ATXN1: variants seen among roughly 807,000 people sequenced by gnomAD.
ATXN1 encodes the protein ataxin-1.
ATXN1 carries 8 observed loss-of-function variants against 56.4 expected under a neutral mutation model. That is an observed-to-expected ratio of 0.14 (90% confidence interval 0.08 to 0.26). The LOEUF (loss-of-function observed/expected upper bound fraction) is 0.26. Ranked by LOEUF, ATXN1 falls within the 10% of genes least tolerant of loss-of-function variation. ATXN1 has a pLI of 1.00. For synonymous variants in ATXN1, 514 were observed against 494.6 expected (o/e 1.04, Z -0.52); for missense variants, 987 against 1,106.5 (o/e 0.89, Z 1.53).
chr6:16,304,651 A>T lies in ATXN1; in HGVS notation c.*1678T>A, dbSNP rs1760192929. The T allele has an allele frequency of 6.6e-6, 1 of 152,614 alleles. No individual in the cohort carries two copies. Among genetic ancestry groups the T allele is most frequent in the Non-Finnish European group, 1.5e-5 (1 of 68,026 alleles). The allele number at this position is 152,614 out of a possible 1,614,324, so 9.5% of individuals were successfully genotyped here. Reference sequence around the variant, plus strand: ...CAAAATGAATTTTCAAAGGAACATAACCTTATAAAATGGCCTAGAGTTTAG... The same window carrying T: ...CAAAATGAATTTTCAAAGGAACATATCCTTATAAAATGGCCTAGAGTTTAG... On this transcript the variant is annotated 3_prime_UTR_variant, in exon 8 of 8. Transcript: ENST00000436367.
chr6:16,749,160 T>C (rs1561837158), intron 2 of ATXN1, among the ~76,000 whole-genome samples: 1 of 152,190 alleles, frequency 6.6e-6, no homozygotes, highest in African/African-American at 2.4e-5. Flanking sequence ...GGGAATCCTC[T>C]AAAGTTACAA....
chr6:16,567,061 A>G (rs1200287461), intron 4 of ATXN1, among the ~76,000 whole-genome samples: 2 of 152,178 alleles, frequency 1.3e-5, no homozygotes, highest in African/African-American at 4.8e-5. Flanking sequence ...GCTTTCTTTC[A>G]CACTGATGTA....
At chr6:16,575,791 T>C (rs1306651306) in intron 4 of ATXN1, among the ~76,000 whole-genome samples, 3 of 152,182 alleles carry the variant, frequency 2.0e-5, no homozygotes, top group African/African-American at 7.2e-5. Flanking sequence ...GAAGAAAACA[T>C]AGTCAACTCT....
rs1760303963 is a variant in ATXN1 at position 16,475,302 on chromosome 6, G to A, written c.-161+10670C>T. ...AATTCACTGTCAGTGTAATGACAAT[G>A]ACAGTTAATGACAACTCCTATTATA... On this transcript the variant is annotated intron_variant, in intron 6 of 7. Transcript: ENST00000436367. Among the ~76,000 whole-genome samples, 3 of 152,286 alleles carry A rather than the reference G, an allele frequency of 2.0e-5. No homozygotes were observed. The South Asian group carries it at 6.2e-4, about 32-fold the overall frequency.
chr6:16,660,953 C>T (rs1327071456), intron 2 of ATXN1, among the ~76,000 whole-genome samples: 2 of 150,400 alleles, frequency 1.3e-5, no homozygotes, highest in Middle Eastern at 3.4e-3. Context: ...ATTCTCCTGC[C>T]TCAGGCTCCC....
chr6:16,336,959 A>T (rs1761137246), intron 6 of ATXN1, among the ~76,000 whole-genome samples: 2 of 152,178 alleles, frequency 1.3e-5, no homozygotes, highest in Non-Finnish European at 2.9e-5. Flanking sequence ...ATCCACCCAA[A>T]ATAATAGTCT....
Position 16,312,708 on chromosome 6 carries a change from C to A in ATXN1, c.1918-5849G>T, listed in dbSNP as rs550603249. 3.3e-5 allele frequency among the ~76,000 whole-genome samples: 5 copies of A among 152,178 alleles called. No individual in the cohort carries two copies. The East Asian group carries it at 9.7e-4, about 29-fold the overall frequency. ...TTAAAAATACTAAAGACTGAAGGAGCATTATGACCTGACCAAGGACAAAGA... is the reference window on the plus strand; with the variant it reads ...TTAAAAATACTAAAGACTGAAGGAGAATTATGACCTGACCAAGGACAAAGA... On this transcript the variant is annotated intron_variant, in intron 7 of 7. Coordinates refer to ENST00000436367, the MANE Select transcript of ATXN1 (RefSeq NM_001128164.2).
At chr6:16,314,834 C>G (rs1204878745) in intron 7 of ATXN1, among the ~76,000 whole-genome samples, 1 of 152,100 alleles carries the variant, frequency 6.6e-6, no homozygotes, top group African/African-American at 2.4e-5. Context: ...TGGTCTTGAA[C>G]TCCTGACCTC....
At chr6:16,333,520 A>T (rs1463616615) in intron 6 of ATXN1, among the ~76,000 whole-genome samples, 2 of 152,214 alleles carry the variant, frequency 1.3e-5, no homozygotes, top group Admixed American at 1.3e-4. Context: ...AAACTCCTAA[A>T]AATACATCTT....
intron 2 of ATXN1, among the ~76,000 whole-genome samples, chr6:16,734,734 T>G (rs1189091160): frequency 2.6e-5 from 4 of 152,154 alleles, no homozygotes; most frequent in African/African-American, 9.7e-5. Context: ...CCTCAAATAA[T>G]CCACCTGCCT....
chr6:16,327,663 C>CTGATGCTGA lies in ATXN1; in HGVS notation c.647_648insTCAGCATCA (p.Gln215_Gln216insHisGlnHis), dbSNP rs766029394. The CTGATGCTGA allele has an allele frequency of 3.3e-4, 499 of 1,523,280 alleles. 1 individual carries two copies. The East Asian group carries it at 4.1e-3, about 13-fold the overall frequency. The allele number at this position is 1,523,280 out of a possible 1,614,324, so 94.4% of individuals were successfully genotyped here. On this transcript the variant is annotated inframe_insertion, in exon 7 of 8. Transcript: ENST00000436367. ...GCTGCTGCTGCTGCTGCTGCTGCTG[C>CTGATGCTGA]TGCTGCTGCTGCTGATGCTGATGCT...
rs1760246378 is a variant in ATXN1, at chr6:16,306,298, A to G, written c.*31T>C. The G allele has an allele frequency of 6.4e-7, 1 of 1,565,752 alleles. No individual in the cohort carries two copies. Among genetic ancestry groups the G allele is most frequent in the African/African-American group, 1.4e-5 (1 of 73,728 alleles). On this transcript the variant is annotated 3_prime_UTR_variant, in exon 8 of 8. Coordinates refer to ENST00000436367, the MANE Select transcript of ATXN1 (RefSeq NM_001128164.2). The surrounding 1 kb of genome is among the most constrained non-coding windows in gnomAD (Gnocchi z 5.2). Reference sequence around the variant, plus strand: ...GTAATCTGGATACAAATGATAAGGGAGAGCCACGTTTCCTTTCCCCCACGC... The same window carrying G: ...GTAATCTGGATACAAATGATAAGGGGGAGCCACGTTTCCTTTCCCCCACGC...
chr6:16,382,658 G>C (rs1425864079), intron 6 of ATXN1, among the ~76,000 whole-genome samples: 4 of 152,150 alleles, frequency 2.6e-5, no homozygotes, highest in Non-Finnish European at 5.9e-5. Context: ...TGAAGATGCT[G>C]ACTTTCAACG....
At chr6:16,655,818 A>AGT (rs925534871) in intron 3 of ATXN1, among the ~76,000 whole-genome samples, 71 of 152,110 alleles carry the variant, frequency 4.7e-4, no homozygotes, top group African/African-American at 1.6e-3. Flanking sequence ...GGCCGGGTGC[A>AGT]GTGGTTCACA....
chr6:16,623,063 TTC>T (rs1322358238), intron 3 of ATXN1, among the ~76,000 whole-genome samples: 1 of 152,230 alleles, frequency 6.6e-6, no homozygotes, highest in African/African-American at 2.4e-5. Flanking sequence ...TTGTATTGTG[TTC>T]TGTCATTTGA....
At chr6:16,715,209 G>A (rs901206907) in intron 2 of ATXN1, among the ~76,000 whole-genome samples, 4 of 152,122 alleles carry the variant, frequency 2.6e-5, no homozygotes. Context: ...ATTTAAACAT[G>A]AGTATATCCC....
chr6:16,563,035 C>T (rs543198342), intron 4 of ATXN1, among the ~76,000 whole-genome samples: 1 of 152,018 alleles, frequency 6.6e-6, no homozygotes, highest in Non-Finnish European at 1.5e-5. Flanking sequence ...CTTCTTGCTC[C>T]TCTGGGATGC....
At chr6:16,343,661 CTT>C (rs145983587) in intron 6 of ATXN1, among the ~76,000 whole-genome samples, 140 of 152,254 alleles carry the variant, frequency 9.2e-4, no homozygotes, top group Middle Eastern at 3.4e-3. Flanking sequence ...CTGTATGCCT[CTT>C]CTCCCCTGAT....
At chr6:16,325,040 T>C (rs1423062903) in intron 7 of ATXN1, among the ~76,000 whole-genome samples, 2 of 152,052 alleles carry the variant, frequency 1.3e-5, no homozygotes, top group Non-Finnish European at 2.9e-5. Flanking sequence ...GACTTTCATA[T>C]GCAAACTAAC....
Sources: gnomAD v4.1 joint callset for allele counts (sites outside exome capture counted in the v4.1 genomes callset) on GRCh38, gnomAD v4.1.1 for gene constraint, Gnocchi (gnomAD v3.1) non-coding constraint, MANE v1.5 for transcripts, NCBI Gene and HGNC (gene_info 2026-07-23, HGNC 2026-07-21) for gene names.